Variants in LTBP2 observed in about 807,000 individuals in gnomAD.
LTBP2 encodes the protein latent-transforming growth factor beta-binding protein 2.
LTBP2 carries 103 observed loss-of-function variants against 210.6 expected under a neutral mutation model. The ratio of observed to expected loss-of-function variants is 0.49; its 90% CI spans 0.42 to 0.58. LTBP2 has a LOEUF of 0.58. Among genes scored for constraint, LTBP2 ranks in the 20% least tolerant of loss-of-function variants. The pLI, the probability that LTBP2 is intolerant of heterozygous loss-of-function variation, is 0.00. For missense variants in LTBP2, 2,313 were observed against 2,494.5 expected, an observed-to-expected ratio of 0.93 and a Z score of 1.55; for synonymous variants, 1,007 against 1,015.0, an observed-to-expected ratio of 0.99 and a Z score of 0.15.
chr14:74,510,636 C>T (rs1476134165), intron 19 of LTBP2, among the ~76,000 whole-genome samples: 1 of 152,184 alleles, frequency 6.6e-6, no homozygotes, highest in African/African-American at 2.4e-5. Flanking sequence ...GGGCGGGCAG[C>T]GTGGAGAGAG....
At chr14:74,561,065 T>C (rs920791853) in intron 3 of LTBP2, among the ~76,000 whole-genome samples, 7 of 152,190 alleles carry the variant, frequency 4.6e-5, no homozygotes, top group African/African-American at 1.7e-4. Context: ...ATGCCTGTAA[T>C]CCTAGCACTT....
Position 74,552,984 on chromosome 14 carries a change from C to T in LTBP2, c.1100G>A (p.Gly367Glu), listed in dbSNP as rs1392470877. ...PTICKQTCAR[G>E]HCANSCERGD... ...CCTCTCACAGCTGTTGGCACAGTGT[C>T]CACGGGCACAGGTCTGCTTGCAGAT... The change falls in exon 5 of 36, where the codon GGA becomes GAA. Residue 367 changes from glycine to glutamate, a missense_variant. Gly to Glu is a moderately conservative substitution (Grantham distance 98). This residue lies in a region of LTBP2 where 1,867 missense variants were observed against 1,976.9 expected (regional missense o/e 0.94). Transcript: ENST00000261978. 2.5e-6 allele frequency: 4 copies of T among 1,614,052 alleles called. No homozygotes were observed. The highest frequency in any genetic ancestry group is 4.5e-5 in the East Asian group (2 of 44,886).
At chr14:74,540,944 A>ATTTT (rs1555350227) in intron 8 of LTBP2, among the ~76,000 whole-genome samples, 3 of 24,298 alleles carry the variant, frequency 1.2e-4, no homozygotes, top group African/African-American at 2.7e-4. Context: ...ATATATATAT[A>ATTTT]TTTTTTATAT....
At chr14:74,558,463 G>A (rs2087755466) in intron 3 of LTBP2, among the ~76,000 whole-genome samples, 1 of 152,226 alleles carries the variant, frequency 6.6e-6, no homozygotes, top group African/African-American at 2.4e-5. Context: ...GGGAGAGAGA[G>A]GTGGCTGAAC....
intron 10 of LTBP2, among the ~76,000 whole-genome samples, chr14:74,531,632 C>T (rs2087351730): frequency 1.3e-5 from 2 of 152,248 alleles, no homozygotes; most frequent in Non-Finnish European, 2.9e-5. Context: ...AAACCCAGTA[C>T]CAGAAAGTTT....
chr14:74,587,605 G>A lies in LTBP2; in HGVS notation c.566-1487C>T, dbSNP rs558846506. Among the ~76,000 whole-genome samples the A allele has an allele frequency of 3.3e-5, 5 of 151,998 alleles. No homozygotes were observed. In the East Asian group the frequency reaches 9.7e-4, roughly 30 times the overall value. ...ACTCGAGAAGCCGCCAGAGACCCAG[G>A]AAGGCCAGGGTCTGGTGGCGGAGGA... On this transcript the variant is annotated intron_variant, in intron 2 of 35. Transcript: ENST00000261978.
At chr14:74,501,301 C>G in intron 35 of LTBP2, 140 bp downstream of exon 35, 1 of 1,354,580 alleles carries the variant, frequency 7.4e-7, no homozygotes, top group South Asian at 1.2e-5. Flanking sequence ...ATTAAACCTT[C>G]CTTTGGCGCT....
intron 9 of LTBP2, among the ~76,000 whole-genome samples, chr14:74,533,656 G>A (rs77689375): frequency 5.3e-5 from 8 of 152,318 alleles, no homozygotes; most frequent in East Asian, 1.9e-4. Context: ...CCTCCTGAAC[G>A]CCCTTCCTTG....
At chr14:74,584,271 C>G (rs1258459268) in intron 3 of LTBP2, among the ~76,000 whole-genome samples, 1 of 152,108 alleles carries the variant, frequency 6.6e-6, no homozygotes, top group Non-Finnish European at 1.5e-5. Flanking sequence ...CAGCAGGGGA[C>G]TTCAAACGGC....
chr14:74,561,088 G>A (rs879501067), intron 3 of LTBP2, among the ~76,000 whole-genome samples: 2 of 152,154 alleles, frequency 1.3e-5, no homozygotes, highest in Non-Finnish European at 2.9e-5. Flanking sequence ...GGAGGCTGAG[G>A]CAGGCAGATC....
At chr14:74,579,974 G>A (rs891165143) in intron 3 of LTBP2, among the ~76,000 whole-genome samples, 27 of 152,240 alleles carry the variant, frequency 1.8e-4, no homozygotes, top group African/African-American at 6.3e-4. Flanking sequence ...ACAATGGGCT[G>A]AGTCATGCTC....
chr14:74,552,522 C>G (rs2087674865), intron 5 of LTBP2, 129 bp from the exon 6 acceptor site: 4 of 839,694 alleles, frequency 4.8e-6, no homozygotes, highest in Non-Finnish European at 7.8e-6. Context: ...CCGGAGCCCC[C>G]TGAAATGTAG....
At chr14:74,506,971 T>C in intron 26 of LTBP2, 148 bp from the exon 27 acceptor site, 6 of 1,538,668 alleles carry the variant, frequency 3.9e-6, no homozygotes, top group Non-Finnish European at 5.3e-6. Context: ...CACCAAGACC[T>C]GTGAAAAGCA....
intron 10 of LTBP2, among the ~76,000 whole-genome samples, chr14:74,530,982 A>G (rs893553772): frequency 9.9e-5 from 15 of 152,230 alleles, no homozygotes; most frequent in African/African-American, 3.6e-4. Context: ...CAGGTAAATC[A>G]TCAGCCGTCT....
In LTBP2 at chr14:74,499,945, A is replaced by G. The variant is rs2086891734; in HGVS notation, c.*939T>C. 2 of 230,758 alleles carry G rather than the reference A, an allele frequency of 8.7e-6. No homozygotes were observed. Among genetic ancestry groups the G allele is most frequent in the African/African-American group, 4.4e-5 (2 of 45,204 alleles). The allele number at this position is 230,758 out of a possible 1,614,324, so 14.3% of individuals were successfully genotyped here. ...TGCTTCTGAACAAGACCACACTGGA[A>G]AATAGACTTTTTACTTTTAGCACAT... On this transcript the variant is annotated 3_prime_UTR_variant, in exon 36 of 36. Coordinates refer to ENST00000261978, the MANE Select transcript of LTBP2 (RefSeq NM_000428.3).
chr14:74,518,876 C>T (rs1474591206), intron 17 of LTBP2, among the ~76,000 whole-genome samples: 1 of 152,124 alleles, frequency 6.6e-6, no homozygotes, highest in Non-Finnish European at 1.5e-5. Context: ...GCTCTAACCC[C>T]AATGGAAGAG....
chr14:74,601,620 CA>C (rs2088448076), intron 2 of LTBP2, among the ~76,000 whole-genome samples: 2 of 152,184 alleles, frequency 1.3e-5, no homozygotes, highest in African/African-American at 4.8e-5. Flanking sequence ...GCTGCATCTT[CA>C]AACAGGCAGA....
rs2086883695 is a variant in LTBP2, at chr14:74,499,154, G to C, written c.*1730C>G. 1 of 215,390 alleles carries C rather than the reference G, an allele frequency of 4.6e-6. No individual in the cohort carries two copies. Among genetic ancestry groups the C allele is most frequent in the Admixed American group, 5.8e-5 (1 of 17,108 alleles). The allele number at this position is 215,390 out of a possible 1,614,324, so 13.3% of individuals were successfully genotyped here. A position where few individuals can be genotyped will look rare whatever the true frequency, so the allele number is the denominator to read the frequency against. On this transcript the variant is annotated 3_prime_UTR_variant, in exon 36 of 36. Coordinates refer to ENST00000261978, the MANE Select transcript of LTBP2 (RefSeq NM_000428.3). The stretch of plus-strand genomic sequence containing the variant: ...GCTTGCCAGCTAGGAGTCTTAACAA[G>C]CTTTTTGATCTTTGCCAATCTGACA...
intron 3 of LTBP2, among the ~76,000 whole-genome samples, chr14:74,561,514 A>G (rs181106435): frequency 6.6e-6 from 1 of 152,298 alleles, no homozygotes; most frequent in East Asian, 1.9e-4. Flanking sequence ...TGTTTATATA[A>G]GCATAGGAAA....
Sources: allele counts gnomAD v4.1 joint callset (sites outside exome capture counted in the v4.1 genomes callset), GRCh38; gene constraint gnomAD v4.1.1; regional missense constraint gnomAD v4.1.1; transcripts MANE v1.5; gene names NCBI Gene and HGNC (gene_info 2026-07-23, HGNC 2026-07-21).